SUCLG1: variants seen among roughly 807,000 people sequenced by gnomAD.
The protein encoded by SUCLG1 is succinate-CoA ligase GDP/ADP-forming subunit alpha, also known as succinate--CoA ligase [ADP/GDP-forming] subunit alpha, mitochondrial.
A neutral mutation model predicts 37.3 loss-of-function variants in SUCLG1; 26 were observed. The ratio of observed to expected loss-of-function variants is 0.70; its 90% CI spans 0.51 to 0.97. The LOEUF is 0.97. SUCLG1 is among the 50% of genes least tolerant of loss of function. SUCLG1 has a pLI of 0.00. For missense variants in SUCLG1, 433 were observed against 432.9 expected (o/e 1.00, Z 0.00); for synonymous variants, 163 against 155.6 (o/e 1.05, Z -0.36).
intron 1 of SUCLG1, among the ~76,000 whole-genome samples, chr2:84,455,222 TTAAGAAGTACTATTAA>T (rs1276295083): frequency 6.6e-6 from 1 of 152,198 alleles, no homozygotes; most frequent in Non-Finnish European, 1.5e-5. Flanking sequence ...CCATTGATTT[TTAAGAAGTACTATTAA>T]TTACTGGTAA....
At chr2:84,443,101 T>C (rs1573370990) in intron 3 of SUCLG1, 183 bp downstream of exon 3, 2 of 655,048 alleles carry the variant, frequency 3.1e-6, no homozygotes, top group South Asian at 1.7e-5. Flanking sequence ...CCTTAATAGC[T>C]GATTCATACC....
chr2:84,446,250 A>T (rs919421838), intron 2 of SUCLG1, among the ~76,000 whole-genome samples: 2 of 152,190 alleles, frequency 1.3e-5, no homozygotes, highest in African/African-American at 4.8e-5. Context: ...CACATAATAT[A>T]CTCATTGATT....
rs145307211 is a variant in SUCLG1, at chr2:84,449,385, G to C, written c.201+264C>G. Among the ~76,000 whole-genome samples the C allele has an allele frequency of 7.4e-4, 112 of 152,214 alleles. 3 individuals are homozygous for C. The East Asian group carries it at 0.019, about 25-fold the overall frequency. Reference sequence around the variant, plus strand: ...GAGGAAAATCATTAGTGTTGTATTTGCTGAAAGAAAGTGTATGGGCCTCCA... The same window carrying C: ...GAGGAAAATCATTAGTGTTGTATTTCCTGAAAGAAAGTGTATGGGCCTCCA... On this transcript the variant is annotated intron_variant, in intron 2 of 8. Coordinates refer to ENST00000393868, the MANE Select transcript of SUCLG1 (RefSeq NM_003849.4).
At position 84,443,310 on chromosome 2, in the gene SUCLG1, A is replaced by G. The variant is rs776342646; in HGVS notation, c.292T>C (p.Leu98=). 1 of 1,614,062 alleles carries G rather than the reference A, an allele frequency of 6.2e-7. No individual in the cohort carries two copies. The highest frequency in any genetic ancestry group is 1.3e-5 in the African/African-American group (1 of 74,942). Reference sequence around the variant, plus strand: ...TCCTTCACAGTATTAAAGACAGGTAAGCCCAGATGTGTCTGGCCTCCTTTC... The same window carrying G: ...TCCTTCACAGTATTAAAGACAGGTAGGCCCAGATGTGTCTGGCCTCCTTTC... ...PGKGGQTHLG[L]PVFNTVKEAK... is the part of the protein sequence containing the mutation. Residue 98 remains leucine, a synonymous_variant, in exon 3 of 9, where the codon TTA becomes CTA. Transcript: ENST00000393868.
Position 84,449,638 on chromosome 2 carries a change from G to GAT in SUCLG1, c.201+9_201+10dup. 6.5e-7 allele frequency: 1 copy of GAT among 1,529,814 alleles called. No homozygotes were observed. The highest frequency in any genetic ancestry group is 8.9e-7 in the Non-Finnish European group (1 of 1,118,172). 94.8% of individuals were successfully genotyped at this position (1,529,814 alleles called of 1,614,324 possible). On this transcript the variant is annotated intron_variant, in intron 2 of 8. Transcript: ENST00000393868. ...GTCTACATTTGAAAATAAAAATCTA[G>GAT]ATATACATACCTGTTTGCCAGTGAA...
intron 2 of SUCLG1, among the ~76,000 whole-genome samples, chr2:84,447,711 A>G (rs1033983739): frequency 6.6e-6 from 1 of 152,168 alleles, no homozygotes; most frequent in African/African-American, 2.4e-5. Context: ...AGTGGCATAC[A>G]TAAGATTATT....
At position 84,423,629 on chromosome 2, in the gene SUCLG1, C is replaced by T; in HGVS notation, c.*117G>A. ...CACCTTGTTTTGGCTTCCAGTTGTACTGCAAGACCAGTGTCAGGCACATAG... is the reference window on the plus strand; with the variant it reads ...CACCTTGTTTTGGCTTCCAGTTGTATTGCAAGACCAGTGTCAGGCACATAG... On this transcript the variant is annotated 3_prime_UTR_variant, in exon 9 of 9. Transcript: ENST00000393868. The T allele has an allele frequency of 9.5e-7, 1 of 1,053,618 alleles. No individual in the cohort carries two copies. The highest frequency in any genetic ancestry group is 1.4e-6 in the Non-Finnish European group (1 of 692,724). The allele number at this position is 1,053,618 out of a possible 1,614,324, so 65.3% of individuals were successfully genotyped here.
chr2:84,448,157 C>A (rs1175436995), intron 2 of SUCLG1, among the ~76,000 whole-genome samples: 1 of 134,564 alleles, frequency 7.4e-6, no homozygotes, highest in Non-Finnish European at 1.6e-5. Flanking sequence ...CATTCGTGTG[C>A]TCAGTTATTT....
chr2:84,445,174 G>C (rs1672831194), intron 2 of SUCLG1, among the ~76,000 whole-genome samples: 2 of 152,196 alleles, frequency 1.3e-5, no homozygotes, highest in Non-Finnish European at 2.9e-5. Context: ...TATGTTCAGA[G>C]ATTGCAGTAA....
intron 2 of SUCLG1, 44 bp downstream of exon 2, chr2:84,449,605 T>C (rs1672905224): frequency 1.6e-6 from 2 of 1,266,070 alleles, no homozygotes; most frequent in Non-Finnish European, 2.2e-6. Flanking sequence ...TAATTTGTTA[T>C]ATCTCTAGTC....
In SUCLG1 at chr2:84,449,957, C is replaced by G. The variant is rs1236666541; in HGVS notation, c.98-205G>C. On this transcript the variant is annotated intron_variant, in intron 1 of 8. Transcript: ENST00000393868. The stretch of plus-strand genomic sequence containing the variant: ...AAAACAGACAAGACATTGTTCCATT[C>G]TCCAGGATCCTCTCTTTATCAAGAA... Among the ~76,000 whole-genome samples the G allele has an allele frequency of 2.0e-5, 3 of 152,038 alleles. No homozygotes were observed. In the East Asian group the frequency reaches 5.8e-4, roughly 29 times the overall value.
chr2:84,436,430 A>G (rs1672687780), intron 5 of SUCLG1, among the ~76,000 whole-genome samples: 1 of 152,162 alleles, frequency 6.6e-6, no homozygotes, highest in South Asian at 2.1e-4. Context: ...ACGAACACAA[A>G]CTTTTTATTC....
chr2:84,430,132 G>A (rs190051732), intron 7 of SUCLG1, among the ~76,000 whole-genome samples: 22 of 152,350 alleles, frequency 1.4e-4, no homozygotes, highest in African/African-American at 4.6e-4. Flanking sequence ...TGGAGAGGAT[G>A]ACGAATGAAT....
intron 1 of SUCLG1, among the ~76,000 whole-genome samples, chr2:84,455,506 A>G (rs1160844597): frequency 6.6e-6 from 1 of 150,954 alleles, no homozygotes; most frequent in Non-Finnish European, 1.5e-5. Flanking sequence ...AAAAAAACAT[A>G]TATATCAGTA....
At position 84,459,139 on chromosome 2, in the gene SUCLG1, C is replaced by T. The variant is rs1018469925; in HGVS notation, c.97+34G>A. ...TGGGTCCGGCGGGGCCAATAACCCG[C>T]GGGCGCCAGGAAGACAGTACTGGCT... On this transcript the variant is annotated intron_variant, in intron 1 of 8. Coordinates refer to ENST00000393868, the MANE Select transcript of SUCLG1 (RefSeq NM_003849.4). The T allele has an allele frequency of 1.0e-5, 16 of 1,527,708 alleles. No homozygotes were observed. The African/African-American group carries it at 2.1e-4, about 20-fold the overall frequency. The allele number at this position is 1,527,708 out of a possible 1,614,324, so 94.6% of individuals were successfully genotyped here. A position where few individuals can be genotyped will look rare whatever the true frequency, so the allele number is the denominator to read the frequency against.
Position 84,425,399 on chromosome 2 carries a change from C to T in SUCLG1, c.1014+16G>A. 1 of 1,614,022 alleles carries T rather than the reference C, an allele frequency of 6.2e-7. No individual in the cohort carries two copies. The highest frequency in any genetic ancestry group is 8.5e-7 in the Non-Finnish European group (1 of 1,180,028). On this transcript the variant is annotated intron_variant, in intron 8 of 8. Transcript: ENST00000393868. The stretch of plus-strand genomic sequence containing the variant: ...GCCTGCAACCTCAGAGCACCTGGGC[C>T]ACTGTTGGAGCTCACCTTGTAGATC...
intron 1 of SUCLG1, among the ~76,000 whole-genome samples, chr2:84,454,967 G>A (rs996450530): frequency 5.9e-5 from 9 of 151,944 alleles, no homozygotes; most frequent in East Asian, 3.8e-4. Flanking sequence ...ACATTTATTC[G>A]TGCACGTACT....
intron 2 of SUCLG1, among the ~76,000 whole-genome samples, chr2:84,448,480 A>G (rs1331355625): frequency 6.6e-6 from 1 of 150,762 alleles, no homozygotes; most frequent in Non-Finnish European, 1.5e-5. Context: ...TTGACATGAC[A>G]ATTCTTTTAA....
At chr2:84,448,187 A>AC (rs762742749) in intron 2 of SUCLG1, among the ~76,000 whole-genome samples, 3,099 of 143,584 alleles carry the variant, frequency 0.022, 54 homozygotes, top group Middle Eastern at 0.086. Flanking sequence ...AAAAAAACAA[A>AC]AAACAAAAAA....
Sources: allele counts gnomAD v4.1 joint callset (sites outside exome capture counted in the v4.1 genomes callset), GRCh38; gene constraint gnomAD v4.1.1; transcripts MANE v1.5; gene names NCBI Gene and HGNC (gene_info 2026-07-23, HGNC 2026-07-21).